Variants in DPYS observed in about 807,000 individuals in gnomAD.
The protein encoded by DPYS is dihydropyrimidine amidohydrolase.
Under a neutral mutation model 50.3 loss-of-function variants are expected in DPYS, and 39 were observed. That is an observed-to-expected ratio of 0.78 (90% CI 0.60 to 1.01). The LOEUF (loss-of-function observed/expected upper bound fraction) is 1.01. Among genes scored for constraint, DPYS ranks in the 50% least tolerant of loss-of-function variants. The pLI, the probability that DPYS is intolerant of heterozygous loss-of-function variation, is 0.00. For synonymous variants in DPYS, 245 were observed against 250.7 expected (o/e 0.98, Z 0.22); for missense variants, 659 against 680.9 (o/e 0.97, Z 0.36).
chr8:104,387,027 A>G (rs1811233799), intron 8 of DPYS, among the ~76,000 whole-genome samples: 1 of 152,212 alleles, frequency 6.6e-6, no homozygotes, highest in African/African-American at 2.4e-5. Flanking sequence ...CTAAAATATC[A>G]ATAAAGACAA....
At chr8:104,425,367 G>A (rs888877503) in intron 6 of DPYS, among the ~76,000 whole-genome samples, 3 of 151,944 alleles carry the variant, frequency 2.0e-5, no homozygotes, top group Admixed American at 6.5e-5. Context: ...CATTAGGTTG[G>A]TGCGAAAGCA....
intron 1 of DPYS, among the ~76,000 whole-genome samples, chr8:104,462,502 T>C (rs1814206213): frequency 6.6e-6 from 1 of 152,156 alleles, no homozygotes; most frequent in Non-Finnish European, 1.5e-5. Flanking sequence ...CTCAATAATT[T>C]TGAGAACTTT....
At chr8:104,382,898 G>T (rs186986605) in intron 8 of DPYS, among the ~76,000 whole-genome samples, 2 of 152,184 alleles carry the variant, frequency 1.3e-5, no homozygotes, top group African/African-American at 4.8e-5. Flanking sequence ...GCCGCCTACT[G>T]TGTGCTGTGC....
At chr8:104,425,776 A>T (rs754080380) in intron 6 of DPYS, among the ~76,000 whole-genome samples, 7 of 152,206 alleles carry the variant, frequency 4.6e-5, no homozygotes, top group Non-Finnish European at 1.0e-4. Flanking sequence ...ATAAAATTGG[A>T]AAGTGTTAGG....
In DPYS at chr8:104,428,956, G is replaced by A. The variant is rs913624011; in HGVS notation, c.950+589C>T. Among the ~76,000 whole-genome samples the A allele has an allele frequency of 2.6e-5, 4 of 151,612 alleles. No homozygotes were observed. In the East Asian group the frequency reaches 5.9e-4, roughly 22 times the overall value. ...AGTGATTCTCGTGCCTCAGCCTCCC[G>A]AGTAACTGGGATTACAGGCATAAGC... On this transcript the variant is annotated intron_variant, in intron 5 of 9. Coordinates refer to ENST00000351513, the MANE Select transcript of DPYS (RefSeq NM_001385.3).
At chr8:104,400,238 A>G (rs1481326348) in intron 7 of DPYS, among the ~76,000 whole-genome samples, 1 of 152,168 alleles carries the variant, frequency 6.6e-6, no homozygotes, top group East Asian at 1.9e-4. Context: ...CCTGACTGAT[A>G]GACACCTTGT....
At chr8:104,420,442 A>C (rs1812504146) in intron 7 of DPYS, 1 of 152,000 alleles carries the variant, frequency 6.6e-6, no homozygotes, top group African/African-American at 2.4e-5. Context: ...CACAACAAAC[A>C]CGCTTTCTCC....
intron 6 of DPYS, among the ~76,000 whole-genome samples, chr8:104,426,218 A>T (rs914320735): frequency 6.6e-6 from 1 of 152,228 alleles, no homozygotes; most frequent in African/African-American, 2.4e-5. Flanking sequence ...TCATCCAATA[A>T]GTAATGGAGG....
chr8:104,389,939 C>CA (rs565885422), intron 8 of DPYS, among the ~76,000 whole-genome samples: 17 of 152,162 alleles, frequency 1.1e-4, no homozygotes, highest in East Asian at 5.8e-4. Flanking sequence ...TTAATTCTGC[C>CA]AAAAAAATCA....
intron 4 of DPYS, among the ~76,000 whole-genome samples, chr8:104,439,945 C>CTAAT (rs1813287543): frequency 6.6e-6 from 1 of 152,150 alleles, no homozygotes; most frequent in African/African-American, 2.4e-5. Flanking sequence ...TTAGCACTTA[C>CTAAT]TAATAAAGTG....
At chr8:104,421,121 T>C (rs528270033) in intron 7 of DPYS, 1 of 152,282 alleles carries the variant, frequency 6.6e-6, no homozygotes, top group South Asian at 2.1e-4. Context: ...CCTATGCTGG[T>C]TTTCCTTATG....
At chr8:104,396,512 T>C (rs564346617) in intron 7 of DPYS, among the ~76,000 whole-genome samples, 1 of 152,308 alleles carries the variant, frequency 6.6e-6, no homozygotes, top group African/African-American at 2.4e-5. Context: ...GTCTATCCTA[T>C]AGAATATTAG....
intron 7 of DPYS, among the ~76,000 whole-genome samples, chr8:104,399,089 G>A (rs1811689931): frequency 1.3e-5 from 2 of 151,916 alleles, no homozygotes; most frequent in South Asian, 4.2e-4. Context: ...TCAGGAGTTC[G>A]AGACCAGCCT....
At chr8:104,397,496 G>C (rs547410097) in intron 7 of DPYS, among the ~76,000 whole-genome samples, 4 of 152,138 alleles carry the variant, frequency 2.6e-5, no homozygotes, top group Admixed American at 6.5e-5. Context: ...GAACACTGAA[G>C]TAAATGAGAG....
chr8:104,438,886 T>C (rs1813245625), intron 4 of DPYS, among the ~76,000 whole-genome samples: 1 of 151,910 alleles, frequency 6.6e-6, no homozygotes, highest in Non-Finnish European at 1.5e-5. Context: ...CTGGGCAACA[T>C]GGTGAAATCC....
chr8:104,417,687 T>C (rs1812413291), intron 7 of DPYS, among the ~76,000 whole-genome samples: 1 of 152,192 alleles, frequency 6.6e-6, no homozygotes, highest in East Asian at 1.9e-4. Context: ...GCTCTTTATT[T>C]CCGAAAAAGG....
rs1453406618 is a variant in DPYS at position 104,392,807 on chromosome 8, T to A, written c.1420A>T (p.Lys474Ter). The change falls in exon 8 of 10, where the codon AAA becomes TAA. Residue 474 changes from lysine (K) to a stop codon, truncating the protein, a stop_gained. Transcript: ENST00000351513. LOFTEE classifies it high-confidence loss of function. Reference sequence around the variant, plus strand: ...ACCCGGTCTCGCTGCTTTATTCGTTTGTAAATATATTCAGCAAATGGTTTT... The same window carrying A: ...ACCCGGTCTCGCTGCTTTATTCGTTAGTAAATATATTCAGCAAATGGTTTT... ...PRKPFAEYIY[K>*]RIKQRDRTCT... 1.9e-6 allele frequency: 3 copies of A among 1,614,168 alleles called. No homozygotes were observed. The highest frequency in any genetic ancestry group is 2.5e-6 in the Non-Finnish European group (3 of 1,180,020).
chr8:104,410,732 C>T (rs970814956), intron 7 of DPYS, among the ~76,000 whole-genome samples: 3 of 152,174 alleles, frequency 2.0e-5, no homozygotes, highest in Admixed American at 6.5e-5. Flanking sequence ...ATCTGCTATA[C>T]TTCACCTAAC....
chr8:104,447,542 C>T (rs767866177), intron 2 of DPYS, 39 bp from the exon 3 acceptor site: 1 of 1,602,886 alleles, frequency 6.2e-7, no homozygotes, highest in Non-Finnish European at 8.5e-7. Flanking sequence ...ATATGTTACT[C>T]TAATTTAAAT....
Sources: gnomAD v4.1 joint callset for allele counts (sites outside exome capture counted in the v4.1 genomes callset) on GRCh38, gnomAD v4.1.1 for gene constraint, MANE v1.5 for transcripts, NCBI Gene and HGNC (gene_info 2026-07-23, HGNC 2026-07-21) for gene names.